The following ADCY5 variants were observed in gnomAD, a reference collection of about 807,000 sequenced individuals.
ADCY5 encodes the protein adenylate cyclase type 5.
In ADCY5, 30 loss-of-function variants were observed where a neutral mutation model predicts 119.7. The ratio of observed to expected loss-of-function variants is 0.25; its 90% CI spans 0.19 to 0.34. ADCY5 has a LOEUF of 0.34. Ranked by LOEUF, ADCY5 falls within the 10% of genes least tolerant of loss-of-function variation. ADCY5 has a pLI of 1.00. For missense variants in ADCY5, 1,324 were observed against 1,775.2 expected (o/e 0.75, Z 4.57); for synonymous variants, 753 against 762.2 (o/e 0.99, Z 0.20).
At position 123,288,289 on chromosome 3, in the gene ADCY5, T is replaced by C. The variant is rs546989560; in HGVS notation, c.3532+1461A>G. ...CCAATATTTCGGTATAATGTGTTAA[T>C]TTTGAGAACTGAAATGCCGGTACTT... On this transcript the variant is annotated intron_variant, in intron 19 of 20. Coordinates refer to ENST00000462833, the MANE Select transcript of ADCY5 (RefSeq NM_183357.3). 3.3e-5 allele frequency among the ~76,000 whole-genome samples: 5 copies of C among 152,392 alleles called. No homozygotes were observed. In the South Asian group the frequency reaches 6.2e-4, roughly 19 times the overall value.
chr3:123,327,613 C>T lies in ADCY5; in HGVS notation c.1947+5G>A. The T allele has an allele frequency of 1.2e-6, 2 of 1,612,868 alleles. No homozygotes were observed. Among genetic ancestry groups the T allele is most frequent in the Non-Finnish European group, 1.7e-6 (2 of 1,179,316 alleles). ...CCTCAGCCCCCCGGCCCCCAGCCCA[C>T]AGACCCGCTTCTGGGTGCAGCGCAG... is the stretch of plus-strand genomic sequence containing the variant. On this transcript the variant is annotated splice_donor_5th_base_variant and intron_variant, in intron 7 of 20. Coordinates refer to ENST00000462833, the MANE Select transcript of ADCY5 (RefSeq NM_183357.3).
In ADCY5 at chr3:123,318,024, G is replaced by A. The variant is rs1177992211; in HGVS notation, c.2350C>T (p.Pro784Ser). Residue 784 changes from proline to serine, a missense_variant, in exon 11 of 21, where the codon CCC (proline) becomes TCC (serine). By Grantham distance (74) the Pro-to-Ser change is moderately conservative. Transcript: ENST00000462833. The stretch of plus-strand genomic sequence containing the variant: ...AAGAGGGACGGGGATACTCACTGGG[G>A]CACGATGGTGATCTGGACAAAGCAG... ...FICFVQITIV[P>S]HSIFMLSFYL... The A allele has an allele frequency of 6.2e-7, 1 of 1,613,100 alleles. No individual in the cohort carries two copies. Among genetic ancestry groups the A allele is most frequent in the Non-Finnish European group, 8.5e-7 (1 of 1,179,528 alleles).
At chr3:123,357,899 A>G (rs921571537) in intron 1 of ADCY5, among the ~76,000 whole-genome samples, 2 of 152,164 alleles carry the variant, frequency 1.3e-5, no homozygotes, top group Admixed American at 6.5e-5. Context: ...GGGGACAAGG[A>G]AGGTATGTCC....
intron 1 of ADCY5, among the ~76,000 whole-genome samples, chr3:123,393,632 C>T (rs1223959523): frequency 6.7e-6 from 1 of 148,740 alleles, no homozygotes; most frequent in South Asian, 2.1e-4. Flanking sequence ...GCGTCACATG[C>T]GAAAGAGATA....
At chr3:123,360,444 C>T (rs917829575) in intron 1 of ADCY5, among the ~76,000 whole-genome samples, 1 of 152,174 alleles carries the variant, frequency 6.6e-6, no homozygotes, top group Non-Finnish European at 1.5e-5. Context: ...AAACACCATT[C>T]TCTATGCCAG....
At chr3:123,320,640 T>C in intron 9 of ADCY5, 109 bp downstream of exon 9, 1 of 1,450,964 alleles carries the variant, frequency 6.9e-7, no homozygotes, top group Non-Finnish European at 9.7e-7. Context: ...CAGCTAAGAC[T>C]GCAAGAGGAG....
chr3:123,433,690 G>C (rs1393342302), intron 1 of ADCY5, among the ~76,000 whole-genome samples: 1 of 152,088 alleles, frequency 6.6e-6, no homozygotes, highest in Non-Finnish European at 1.5e-5. Flanking sequence ...CTACTCAACA[G>C]AGAGACCCCG....
chr3:123,426,740 T>A (rs1455073514), intron 1 of ADCY5, among the ~76,000 whole-genome samples: 2 of 151,962 alleles, frequency 1.3e-5, no homozygotes, highest in Non-Finnish European at 2.9e-5. Context: ...TATGTGGAGG[T>A]TGGCGCAAGG....
intron 1 of ADCY5, chr3:123,368,029 AG>A: frequency 1.4e-6 from 2 of 1,480,432 alleles, no homozygotes; most frequent in Non-Finnish European, 1.8e-6. Flanking sequence ...GCAGGGATCC[AG>A]GGGCCCCAGA....
intron 1 of ADCY5, among the ~76,000 whole-genome samples, chr3:123,375,426 C>G (rs1344265838): frequency 6.6e-6 from 1 of 152,270 alleles, no homozygotes; most frequent in Non-Finnish European, 1.5e-5. Flanking sequence ...CCTGAAGACT[C>G]TGGGACCCAG....
intron 1 of ADCY5, among the ~76,000 whole-genome samples, chr3:123,406,576 G>A (rs1944908092): frequency 6.6e-6 from 1 of 152,224 alleles, no homozygotes; most frequent in Non-Finnish European, 1.5e-5. Flanking sequence ...TGGAGAGAGT[G>A]AAGAGGAGAG....
At chr3:123,310,103 T>TACACAC (rs60966110) in intron 12 of ADCY5, among the ~76,000 whole-genome samples, 6,959 of 121,156 alleles carry the variant, frequency 0.057, 357 homozygotes, top group Admixed American at 0.14. Flanking sequence ...GAGAGAGATT[T>TACACAC]ACACACACAC....
At chr3:123,321,495 C>T (rs1435713962) in intron 8 of ADCY5, among the ~76,000 whole-genome samples, 6 of 152,138 alleles carry the variant, frequency 3.9e-5, no homozygotes, top group African/African-American at 1.4e-4. Context: ...GTCGGGGTCT[C>T]AGCAGTGGTG....
At chr3:123,363,498 G>A (rs2168434) in intron 1 of ADCY5, among the ~76,000 whole-genome samples, 10,505 of 152,202 alleles carry the variant, frequency 0.069, 891 homozygotes, top group East Asian at 0.26. Flanking sequence ...CCCCTCCCAG[G>A]AATCTATGCC....
chr3:123,349,285 G>A (rs1469753243), intron 2 of ADCY5, among the ~76,000 whole-genome samples: 1 of 152,158 alleles, frequency 6.6e-6, no homozygotes, highest in Non-Finnish European at 1.5e-5. Context: ...CACGTAAGTG[G>A]CTTTTGCTTT....
chr3:123,367,888 C>A (rs1943502892), intron 1 of ADCY5: 1 of 1,532,418 alleles, frequency 6.5e-7, no homozygotes, highest in Non-Finnish European at 8.7e-7. Flanking sequence ...GAAACTGCCA[C>A]CAAGTGCTTA....
intron 16 of ADCY5, chr3:123,296,913 C>T (rs1392245116): frequency 8.6e-5 from 120 of 1,398,374 alleles, no homozygotes; most frequent in Non-Finnish European, 4.8e-6. Flanking sequence ...TCCAGTGACC[C>T]CCCGCCCCTT....
intron 1 of ADCY5, among the ~76,000 whole-genome samples, chr3:123,362,459 T>C (rs1264366996): frequency 6.6e-6 from 1 of 152,248 alleles, no homozygotes; most frequent in Non-Finnish European, 1.5e-5. Context: ...TGCACAGCTG[T>C]GCCTTTAGAG....
Position 123,447,960 on chromosome 3 carries a change from C to T in ADCY5, c.586G>A (p.Gly196Ser). The part of the protein sequence containing the change: ...DGGSSADSGS[G>S]AGPGAVLSLG... The stretch of plus-strand genomic sequence containing the variant: ...GACAGCACCGCGCCGGGCCCCGCGC[C>T]CGAGCCCGAGTCCGCCGAGCTGCCG... Residue 196 changes from glycine (G) to serine (S), a missense_variant, in exon 1 of 21, where the codon GGC becomes AGC. Physicochemically the swap from Gly to Ser is moderately conservative, Grantham distance 56. Coordinates refer to ENST00000462833, the MANE Select transcript of ADCY5 (RefSeq NM_183357.3). 8 of 1,489,542 alleles carry T rather than the reference C, an allele frequency of 5.4e-6. No individual in the cohort carries two copies. Among genetic ancestry groups the T allele is most frequent in the South Asian group, 1.3e-5 (1 of 74,574 alleles). The allele number at this position is 1,489,542 out of a possible 1,614,324, so 92.3% of individuals were successfully genotyped here.
Sources: gnomAD v4.1 joint callset for allele counts (sites outside exome capture counted in the v4.1 genomes callset) on GRCh38, gnomAD v4.1.1 for gene constraint, MANE v1.5 for transcripts, NCBI Gene and HGNC (gene_info 2026-07-23, HGNC 2026-07-21) for gene names.